CYREN: variants seen among roughly 807,000 people sequenced by gnomAD.
CYREN encodes the protein cell cycle regulator of non-homologous end joining.
CYREN carries 7 observed loss-of-function variants against 9.7 expected under a neutral mutation model. The ratio of observed to expected loss-of-function variants is 0.72; its 90% CI spans 0.41 to 1.36. The LOEUF is 1.36. Among genes scored for constraint, CYREN ranks in the 40% most tolerant of loss-of-function variants. The pLI, the probability that CYREN is intolerant of heterozygous loss-of-function variation, is 0.01. For synonymous variants in CYREN, 76 were observed against 77.9 expected (o/e 0.98, Z 0.13); for missense variants, 215 against 198.1 (o/e 1.09, Z -0.51).
At chr7:135,136,059 T>C (rs1368331105) in intron 2 of CYREN, among the ~76,000 whole-genome samples, 1 of 152,038 alleles carries the variant, frequency 6.6e-6, no homozygotes, top group Admixed American at 6.6e-5. Context: ...TGGGAGGGAT[T>C]TGTGAAGGAC....
chr7:135,115,532 GT>G, intron 2 of CYREN: 1 of 1,551,388 alleles, frequency 6.4e-7, no homozygotes, highest in Non-Finnish European at 8.7e-7. Flanking sequence ...GCTCCCCATC[GT>G]GCATAGCACT....
intron 2 of CYREN, among the ~76,000 whole-genome samples, chr7:135,096,558 A>AGATAGATAGATAGATAGATAGAT (rs1822770203): frequency 2.5e-5 from 2 of 79,730 alleles, no homozygotes; most frequent in African/African-American, 9.3e-5. Context: ...GAAAGAAAGA[A>AGATAGATAGATAGATAGATAGAT]AGATAGATAG....
chr7:135,107,351 A>T (rs1394855423), intron 2 of CYREN, among the ~76,000 whole-genome samples: 2 of 152,144 alleles, frequency 1.3e-5, no homozygotes, highest in Non-Finnish European at 2.9e-5. Context: ...ATGGGCATTT[A>T]GTGATATAAA....
At chr7:135,142,512 G>A (rs1194380998) in intron 2 of CYREN, among the ~76,000 whole-genome samples, 1 of 152,072 alleles carries the variant, frequency 6.6e-6, no homozygotes, top group Non-Finnish European at 1.5e-5. Context: ...TCTAATTCCT[G>A]TGTAGCTCAA....
At chr7:135,159,587 T>G (rs1414793733) in intron 2 of CYREN, among the ~76,000 whole-genome samples, 1 of 152,208 alleles carries the variant, frequency 6.6e-6, no homozygotes, top group Non-Finnish European at 1.5e-5. Flanking sequence ...TGACCTGGAA[T>G]CTAAATCTGC....
At chr7:135,102,890 A>T (rs1022682884) in intron 2 of CYREN, among the ~76,000 whole-genome samples, 2 of 152,178 alleles carry the variant, frequency 1.3e-5, no homozygotes, top group Admixed American at 1.3e-4. Flanking sequence ...AATAGTACTC[A>T]TAAACACCAA....
chr7:135,159,618 G>C (rs1482194759), intron 2 of CYREN, among the ~76,000 whole-genome samples: 1 of 152,216 alleles, frequency 6.6e-6, no homozygotes, highest in African/African-American at 2.4e-5. Context: ...AGAGGACCTA[G>C]TGCAGCAAAG....
intron 2 of CYREN, among the ~76,000 whole-genome samples, chr7:135,117,516 T>A (rs1826494072): frequency 6.6e-6 from 1 of 152,230 alleles, no homozygotes; most frequent in Non-Finnish European, 1.5e-5. Flanking sequence ...TCTCATTCTT[T>A]GCTTATTCTC....
rs1290485099 is a variant in CYREN at position 135,166,774 on chromosome 7, G to C, written c.311C>G (p.Ser104Cys). 4.3e-6 allele frequency: 7 copies of C among 1,614,152 alleles called. No individual in the cohort carries two copies. Among genetic ancestry groups the C allele is most frequent in the Non-Finnish European group, 5.9e-6 (7 of 1,180,042 alleles). ...GTCCTCTTCCTCACTGCTGCTCCCA[G>C]AACTTGTGTGAGGCGACACGGAGCA... ...PPCSVSPHTS[S>C]GSSSEEEDSG... Residue 104 changes from serine to cysteine, a missense_variant, in exon 4 of 4, where the codon TCT becomes TGT. Ser to Cys is a moderately radical substitution (Grantham distance 112). Transcript: ENST00000393114.
Position 135,159,714 on chromosome 7 carries a change from C to G in CYREN, n.356+9035G>C, listed in dbSNP as rs1057466798. Among the ~76,000 whole-genome samples, 19 of 152,206 alleles carry G rather than the reference C, an allele frequency of 1.2e-4. 1 individual carries two copies. The highest frequency in any genetic ancestry group is 4.6e-4 in the African/African-American group (19 of 41,448). The stretch of plus-strand genomic sequence containing the variant: ...GTTCATACAGACCAACAAACAAAAA[C>G]TGAAACTCAAAATTATTTTTAAAAT... On this transcript the variant is annotated intron_variant and non_coding_transcript_variant, in intron 2 of 2. Transcript: ENST00000459937.
intron 2 of CYREN, among the ~76,000 whole-genome samples, chr7:135,097,452 G>C (rs1376873982): frequency 2.6e-5 from 4 of 152,076 alleles, no homozygotes; most frequent in Non-Finnish European, 5.9e-5. Context: ...AATATTGCTA[G>C]CTAATATTTT....
chr7:135,103,680 A>G (rs528362333), intron 2 of CYREN, among the ~76,000 whole-genome samples: 12 of 152,302 alleles, frequency 7.9e-5, no homozygotes, highest in Admixed American at 5.9e-4. Context: ...AGATATCTGT[A>G]GTCACATCAT....
At chr7:135,138,094 CA>C (rs2117389106) in intron 2 of CYREN, among the ~76,000 whole-genome samples, 1 of 151,894 alleles carries the variant, frequency 6.6e-6, no homozygotes, top group East Asian at 1.9e-4. Flanking sequence ...AATTGTCCTC[CA>C]AAAGTGAAAG....
At chr7:135,131,254 G>A (rs1828719944) in intron 2 of CYREN, among the ~76,000 whole-genome samples, 2 of 152,030 alleles carry the variant, frequency 1.3e-5, no homozygotes, top group African/African-American at 4.8e-5. Context: ...ATAAGTGGGA[G>A]TTGAACAGTG....
At chr7:135,149,815 C>G (rs1829627238) in intron 2 of CYREN, among the ~76,000 whole-genome samples, 1 of 151,998 alleles carries the variant, frequency 6.6e-6, no homozygotes, top group African/African-American at 2.4e-5. Flanking sequence ...TGAATTATCT[C>G]TTCATATTTG....
intron 2 of CYREN, among the ~76,000 whole-genome samples, chr7:135,142,690 T>C (rs887241919): frequency 4.6e-5 from 7 of 152,094 alleles, no homozygotes; most frequent in Non-Finnish European, 7.4e-5. Flanking sequence ...CAATGAACAA[T>C]TGGAGTTTGA....
chr7:135,135,076 G>C, intron 2 of CYREN: 3 of 1,551,232 alleles, frequency 1.9e-6, no homozygotes, highest in African/African-American at 1.4e-5. Flanking sequence ...CAGCAAGTGG[G>C]AGACTGCTTC....
downstream of CYREN, chr7:135,164,938 T>C (rs76023601): frequency 3.4e-4 from 551 of 1,613,472 alleles, 3 homozygotes; most frequent in African/African-American, 6.6e-3. Flanking sequence ...CTCTTGCTTA[T>C]AGCCATGGCT....
chr7:135,097,144 G>T (rs913354132), intron 2 of CYREN, among the ~76,000 whole-genome samples: 16 of 152,110 alleles, frequency 1.1e-4, no homozygotes, highest in Admixed American at 9.2e-4. Context: ...TCCCTTGATT[G>T]CTTGATGAAA....
Sources: gnomAD v4.1 joint callset for allele counts (sites outside exome capture counted in the v4.1 genomes callset) on GRCh38, gnomAD v4.1.1 for gene constraint, MANE v1.5 for transcripts, NCBI Gene and HGNC (gene_info 2026-07-23, HGNC 2026-07-21) for gene names.